The following MEF2A variants were observed in gnomAD, a reference collection of about 807,000 sequenced individuals.
MEF2A encodes the protein myocyte enhancer factor 2A, also known as myocyte-specific enhancer factor 2A.
In MEF2A, 28 loss-of-function variants were observed where a neutral mutation model predicts 55.8. The ratio of observed to expected loss-of-function variants is 0.50; its 90% CI spans 0.37 to 0.69. MEF2A has a LOEUF of 0.69. Ranked by LOEUF, MEF2A falls within the 30% of genes least tolerant of loss-of-function variation. The pLI is 0.00. For synonymous variants in MEF2A, 239 were observed against 227.1 expected (o/e 1.05, Z -0.47); for missense variants, 528 against 626.2 (o/e 0.84, Z 1.67).
chr15:99,580,134 C>G (rs1286925748), intron 1 of MEF2A, among the ~76,000 whole-genome samples: 1 of 152,112 alleles, frequency 6.6e-6, no homozygotes, highest in African/African-American at 2.4e-5. Flanking sequence ...TTGCTAGCCT[C>G]TTGCCACAAA....
intron 2 of MEF2A, among the ~76,000 whole-genome samples, chr15:99,619,667 T>C (rs968390339): frequency 5.3e-5 from 8 of 152,208 alleles, no homozygotes; most frequent in African/African-American, 1.7e-4. Context: ...TGAAAATGTG[T>C]GTGTTAGTAT....
At chr15:99,658,856 T>A (rs1267447609) in intron 4 of MEF2A, among the ~76,000 whole-genome samples, 2 of 152,054 alleles carry the variant, frequency 1.3e-5, no homozygotes. Flanking sequence ...AATCAAACCA[T>A]CTACTGCTTT....
chr15:99,703,412 A>G, intron 9 of MEF2A, 27 bp downstream of exon 9: 1 of 1,589,740 alleles, frequency 6.3e-7, no homozygotes, highest in Non-Finnish European at 8.5e-7. Context: ...GCTTGAAGGA[A>G]GTTGAAAAAG....
At chr15:99,586,079 G>A (rs1014249195) in intron 1 of MEF2A, among the ~76,000 whole-genome samples, 6 of 152,022 alleles carry the variant, frequency 3.9e-5, no homozygotes, top group Non-Finnish European at 4.4e-5. Context: ...CTACAATTTT[G>A]CTGTTTGCCT....
At chr15:99,569,072 T>A (rs1960962703) in intron 1 of MEF2A, among the ~76,000 whole-genome samples, 1 of 152,214 alleles carries the variant, frequency 6.6e-6, no homozygotes, top group South Asian at 2.1e-4. Context: ...AAGAGAATGC[T>A]TTTAACATAT....
chr15:99,582,838 G>C (rs768618258), intron 1 of MEF2A, among the ~76,000 whole-genome samples: 1 of 152,058 alleles, frequency 6.6e-6, no homozygotes, highest in Non-Finnish European at 1.5e-5. Flanking sequence ...GAGAGGTCTA[G>C]TATTACAGTA....
chr15:99,602,886 C>T (rs532887535), intron 2 of MEF2A, among the ~76,000 whole-genome samples: 1 of 151,796 alleles, frequency 6.6e-6, no homozygotes, highest in South Asian at 2.1e-4. Flanking sequence ...TTAACTGATA[C>T]AGGGCTATTT....
At chr15:99,687,787 G>A (rs1650060137) in intron 7 of MEF2A, among the ~76,000 whole-genome samples, 1 of 152,202 alleles carries the variant, frequency 6.6e-6, no homozygotes, top group South Asian at 2.1e-4. Flanking sequence ...TGATATGCCT[G>A]CTCTTGCTAA....
intron 7 of MEF2A, among the ~76,000 whole-genome samples, chr15:99,683,729 AAATTATTTCAAT>A (rs2053682601): frequency 6.6e-6 from 1 of 151,556 alleles, no homozygotes; most frequent in African/African-American, 2.4e-5. Flanking sequence ...AAAAAAAAAA[AAATTATTTCAAT>A]AGTTTTGGGG....
chr15:99,690,711 T>A (rs575424795), intron 8 of MEF2A: 30 of 517,896 alleles, frequency 5.8e-5, no homozygotes, highest in South Asian at 3.7e-4. Context: ...CATAGAAAGA[T>A]AGATACTGCA....
intron 1 of MEF2A, among the ~76,000 whole-genome samples, chr15:99,576,475 A>G (rs1964302622): frequency 6.6e-6 from 1 of 152,172 alleles, no homozygotes; most frequent in Admixed American, 6.5e-5. Context: ...AATTATAATA[A>G]TGACCCAACA....
At chr15:99,597,675 C>A (rs1294890219) in intron 1 of MEF2A, among the ~76,000 whole-genome samples, 1 of 152,102 alleles carries the variant, frequency 6.6e-6, no homozygotes, top group Non-Finnish European at 1.5e-5. Flanking sequence ...GCTTGGGGGG[C>A]ATCACGGAAC....
rs141463368 is a variant in MEF2A at position 99,688,493 on chromosome 15, C to G, written c.671-1748C>G. Among the ~76,000 whole-genome samples the G allele has an allele frequency of 3.3e-3, 506 of 152,318 alleles. 14 individuals carry two copies. Among genetic ancestry groups the G allele is most frequent in the Admixed American group, 0.027 (417 of 15,298 alleles). ...AAAATGCTGGCCGGACACGTTGGCT[C>G]ATGCCTGTAATCCCAGCACTTTGGG... On this transcript the variant is annotated intron_variant, in intron 7 of 11. Coordinates refer to ENST00000557942, the MANE Select transcript of MEF2A (RefSeq NM_001319206.4).
intron 7 of MEF2A, among the ~76,000 whole-genome samples, chr15:99,678,475 C>T (rs1348920698): frequency 2.6e-5 from 4 of 152,174 alleles, no homozygotes. Context: ...TTTAGAAACT[C>T]GTGATAGGTC....
chr15:99,694,096 A>G (rs1341248297), intron 8 of MEF2A, among the ~76,000 whole-genome samples: 4 of 152,180 alleles, frequency 2.6e-5, no homozygotes, highest in Non-Finnish European at 5.9e-5. Flanking sequence ...AGGATACCAC[A>G]TTATATTTAG....
At chr15:99,641,969 G>T (rs866811152) in intron 3 of MEF2A, among the ~76,000 whole-genome samples, 2 of 151,854 alleles carry the variant, frequency 1.3e-5, no homozygotes, top group Admixed American at 6.6e-5. Flanking sequence ...CAGATGACTG[G>T]TTTTTTTTGT....
At chr15:99,591,980 A>G (rs2152974740) in intron 1 of MEF2A, among the ~76,000 whole-genome samples, 1 of 152,232 alleles carries the variant, frequency 6.6e-6, no homozygotes, top group African/African-American at 2.4e-5. Flanking sequence ...TGTGGGTCAC[A>G]CATTTCTTCA....
At chr15:99,675,916 T>C (rs2051908888) in intron 7 of MEF2A, among the ~76,000 whole-genome samples, 1 of 151,990 alleles carries the variant, frequency 6.6e-6, no homozygotes, top group Non-Finnish European at 1.5e-5. Flanking sequence ...AGTGTGCACC[T>C]GTAGTCCCAG....
chr15:99,698,392 TG>T (rs1342901436), intron 8 of MEF2A, among the ~76,000 whole-genome samples: 2 of 152,206 alleles, frequency 1.3e-5, no homozygotes, highest in African/African-American at 4.8e-5. Flanking sequence ...GATACATGGA[TG>T]GCAAATAAGT....
Sources: allele counts gnomAD v4.1 joint callset (sites outside exome capture counted in the v4.1 genomes callset), GRCh38; gene constraint gnomAD v4.1.1; transcripts MANE v1.5; gene names NCBI Gene and HGNC (gene_info 2026-07-23, HGNC 2026-07-21).